PCLO: variants seen among roughly 807,000 people sequenced by gnomAD.
The protein encoded by PCLO is protein piccolo.
Under a neutral mutation model 427.5 loss-of-function variants are expected in PCLO, and 82 were observed. That is an observed-to-expected ratio of 0.19 (90% CI 0.16 to 0.23). The LOEUF (loss-of-function observed/expected upper bound fraction) is 0.23, where lower values mean the gene tolerates loss of function less well. Among genes scored for constraint, PCLO ranks in the 10% least tolerant of loss-of-function variants. The pLI, the probability that PCLO is intolerant of heterozygous loss-of-function variation, is 1.00. For synonymous variants in PCLO, 2,357 were observed against 2,155.4 expected, an observed-to-expected ratio of 1.09 and a Z score of -2.59; for missense variants, 6,239 against 6,115.9, an observed-to-expected ratio of 1.02 and a Z score of -0.67.
intron 3 of PCLO, among the ~76,000 whole-genome samples, chr7:83,051,320 G>A (rs919703574): frequency 2.6e-5 from 4 of 152,018 alleles, no homozygotes; most frequent in African/African-American, 7.2e-5. Flanking sequence ...AAGAGTCAAC[G>A]AAAAATAACT....
At chr7:82,922,138 G>T (rs1353103710) in intron 6 of PCLO, among the ~76,000 whole-genome samples, 1 of 151,982 alleles carries the variant, frequency 6.6e-6, no homozygotes, top group African/African-American at 2.4e-5. Context: ...ACTCCTGGTG[G>T]AAGTGTAAAT....
intron 2 of PCLO, among the ~76,000 whole-genome samples, chr7:83,136,702 T>A (rs546568804): frequency 6.6e-6 from 1 of 152,052 alleles, no homozygotes; most frequent in Non-Finnish European, 1.5e-5. Context: ...AAAAGCAATA[T>A]GAGTAAGTAA....
intron 10 of PCLO, among the ~76,000 whole-genome samples, chr7:82,862,144 T>C (rs989622163): frequency 2.6e-5 from 4 of 151,338 alleles, no homozygotes; most frequent in African/African-American, 9.7e-5. Flanking sequence ...ATGATAAAAA[T>C]ACAAAAGCTC....
intron 22 of PCLO, among the ~76,000 whole-genome samples, chr7:82,800,017 AGGT>A (rs1248028166): frequency 9.8e-5 from 15 of 152,286 alleles, no homozygotes; most frequent in Admixed American, 5.2e-4. Flanking sequence ...TTTGGGCAGC[AGGT>A]TTGGGACTAA....
In PCLO at chr7:82,964,204, G is replaced by C. The variant is rs184072825; in HGVS notation, c.4017+1567C>G. On this transcript the variant is annotated intron_variant, in intron 4 of 24. Transcript: ENST00000333891. Reference sequence around the variant, plus strand: ...GGAACAGGAGTTAATAGACAGAAGTGTGATACCTTCATTGTGGAGAACAAA... The same window carrying C: ...GGAACAGGAGTTAATAGACAGAAGTCTGATACCTTCATTGTGGAGAACAAA... 4.1e-4 allele frequency among the ~76,000 whole-genome samples: 63 copies of C among 152,252 alleles called. 1 individual carries two copies. The highest frequency in any genetic ancestry group is 1.3e-3 in the African/African-American group (55 of 41,570).
chr7:83,050,105 T>C (rs934789309), intron 3 of PCLO, among the ~76,000 whole-genome samples: 4 of 149,040 alleles, frequency 2.7e-5, no homozygotes, highest in African/African-American at 7.4e-5. Flanking sequence ...GTGTGATGGT[T>C]GAGGGCTTGA....
At chr7:83,070,232 A>C (rs1789777188) in intron 3 of PCLO, among the ~76,000 whole-genome samples, 1 of 152,082 alleles carries the variant, frequency 6.6e-6, no homozygotes, top group African/African-American at 2.4e-5. Flanking sequence ...TGGAAGTAGA[A>C]CCTCTAGCTC....
chr7:83,098,620 A>C (rs995131049), intron 3 of PCLO, among the ~76,000 whole-genome samples: 1 of 147,632 alleles, frequency 6.8e-6, no homozygotes, highest in Non-Finnish European at 1.5e-5. Context: ...AAACTATTTC[A>C]CCTGTTATTT....
chr7:82,794,485 T>A (rs1791183373), intron 22 of PCLO, among the ~76,000 whole-genome samples: 1 of 115,712 alleles, frequency 8.6e-6, no homozygotes, highest in African/African-American at 3.6e-5. Flanking sequence ...TTTTTTTTTT[T>A]TTTTGAGACA....
intron 3 of PCLO, among the ~76,000 whole-genome samples, chr7:83,098,647 TA>T (rs78890928): frequency 4.6e-5 from 7 of 151,862 alleles, no homozygotes; most frequent in Non-Finnish European, 1.0e-4. Context: ...ATATGTTCAT[TA>T]AAAAATTGCA....
chr7:82,821,161 C>G, intron 20 of PCLO: 1 of 1,005,502 alleles, frequency 9.9e-7, no homozygotes, highest in Non-Finnish European at 1.2e-6. Flanking sequence ...TGAGGGCTAG[C>G]TGGCTTTGGT....
chr7:82,935,365 C>T (rs1794928113), intron 6 of PCLO, among the ~76,000 whole-genome samples: 1 of 151,114 alleles, frequency 6.6e-6, no homozygotes, highest in South Asian at 2.1e-4. Flanking sequence ...CATTGGTTTG[C>T]TGCAAAGATA....
At chr7:82,900,801 A>G (rs1794019632) in intron 9 of PCLO, among the ~76,000 whole-genome samples, 2 of 151,830 alleles carry the variant, frequency 1.3e-5, no homozygotes, top group South Asian at 4.1e-4. Flanking sequence ...CCTGGGTTTG[A>G]TCACTTTATT....
chr7:83,092,680 T>A (rs947309975), intron 3 of PCLO, among the ~76,000 whole-genome samples: 1 of 152,060 alleles, frequency 6.6e-6, no homozygotes, highest in African/African-American at 2.4e-5. Context: ...CCAGGCACGG[T>A]GGCTCATGCC....
At chr7:82,886,758 T>G (rs1021900322) in intron 9 of PCLO, among the ~76,000 whole-genome samples, 2 of 152,196 alleles carry the variant, frequency 1.3e-5, no homozygotes, top group African/African-American at 4.8e-5. Context: ...AAATAATTAC[T>G]ACTATCTGGA....
At chr7:82,759,653 T>G (rs2129467492) in intron 24 of PCLO, among the ~76,000 whole-genome samples, 1 of 152,098 alleles carries the variant, frequency 6.6e-6, no homozygotes, top group African/African-American at 2.4e-5. Context: ...ATCTTCTCAA[T>G]ACATTTTTGC....
rs1439510325 is a variant in PCLO, at chr7:82,838,151, T to C, written c.14222+67A>G. The C allele has an allele frequency of 3.6e-6, 4 of 1,107,086 alleles. No homozygotes were observed. The African/African-American group carries it at 6.4e-5, about 18-fold the overall frequency. 68.6% of individuals were successfully genotyped at this position (1,107,086 alleles called of 1,614,324 possible). A position where few individuals can be genotyped will look rare whatever the true frequency, so the allele number is the denominator to read the frequency against. On this transcript the variant is annotated intron_variant, in intron 15 of 24. Coordinates refer to ENST00000333891, the MANE Select transcript of PCLO (RefSeq NM_033026.6). ...GTCAATTAAAATGAGGTGTGGAAAT[T>C]AAAGAGTAGAAAATACTATACTATT...
chr7:82,939,773 G>T (rs1198870534), intron 6 of PCLO, among the ~76,000 whole-genome samples: 1 of 148,910 alleles, frequency 6.7e-6, no homozygotes, highest in Non-Finnish European at 1.5e-5. Context: ...TTTTTATGAA[G>T]AAGAAATATT....
chr7:83,156,549 A>G (rs577364630), intron 1 of PCLO, among the ~76,000 whole-genome samples, 157 bp from the exon 2 acceptor site: 10 of 152,012 alleles, frequency 6.6e-5, no homozygotes, highest in Non-Finnish European at 1.2e-4. Flanking sequence ...AGTGATCATA[A>G]AAGTTTTAAT....
Sources: allele counts gnomAD v4.1 joint callset (sites outside exome capture counted in the v4.1 genomes callset), GRCh38; gene constraint gnomAD v4.1.1; transcripts MANE v1.5; gene names NCBI Gene and HGNC (gene_info 2026-07-23, HGNC 2026-07-21).